Variants in TMCO5A observed in about 807,000 individuals in gnomAD.
TMCO5A encodes the protein transmembrane and coiled-coil domain-containing protein 5A.
A neutral mutation model predicts 42.3 loss-of-function variants in TMCO5A; 34 were observed. That is an observed-to-expected ratio of 0.80 (90% CI 0.61 to 1.07). The LOEUF is 1.07. TMCO5A is among the 50% of genes least tolerant of loss of function. The pLI, the probability that TMCO5A is intolerant of heterozygous loss-of-function variation, is 0.00. For missense variants in TMCO5A, 357 were observed against 327.9 expected (o/e 1.09, Z -0.69); for synonymous variants, 131 against 115.6 (o/e 1.13, Z -0.86).
chr15:38,033,877 G>T, the TMCO5A span, among the ~76,000 whole-genome samples: 1 of 152,124 alleles, frequency 6.6e-6, no homozygotes, highest in Non-Finnish European at 1.5e-5. Context: ...GCCTTCCAAA[G>T]TGCTGGGATT....
At chr15:37,959,506 T>C (rs1890369344) in intron 11 of TMCO5A, among the ~76,000 whole-genome samples, 1 of 151,936 alleles carries the variant, frequency 6.6e-6, no homozygotes, top group Non-Finnish European at 1.5e-5. Flanking sequence ...TCATATATCA[T>C]GACCTGGGAT....
the TMCO5A span, among the ~76,000 whole-genome samples, chr15:38,026,729 G>T: frequency 6.6e-6 from 1 of 152,218 alleles, no homozygotes; most frequent in Non-Finnish European, 1.5e-5. Flanking sequence ...GAGAGAAAAT[G>T]GTTTCATGGG....
the TMCO5A span, among the ~76,000 whole-genome samples, chr15:37,978,839 C>T: frequency 1.2e-4 from 18 of 152,114 alleles, no homozygotes; most frequent in South Asian, 3.3e-3. Flanking sequence ...GGAAGCATGG[C>T]GGCATCTGCT....
At chr15:37,960,564 T>C (rs1262319623) in intron 11 of TMCO5A, among the ~76,000 whole-genome samples, 2 of 152,138 alleles carry the variant, frequency 1.3e-5, no homozygotes, top group African/African-American at 4.8e-5. Context: ...AATTGCTGGA[T>C]CAAATGGTAG....
the TMCO5A span, among the ~76,000 whole-genome samples, chr15:37,998,325 A>T: frequency 6.6e-6 from 1 of 152,160 alleles, no homozygotes; most frequent in African/African-American, 2.4e-5. Flanking sequence ...GTAGTTTCAT[A>T]GTTTGAGGTT....
At chr15:37,959,610 GA>G (rs1890372307) in intron 11 of TMCO5A, among the ~76,000 whole-genome samples, 1 of 152,022 alleles carries the variant, frequency 6.6e-6, no homozygotes, top group Non-Finnish European at 1.5e-5. Flanking sequence ...AATTGATGCT[GA>G]AAAAGCAATT....
intron 11 of TMCO5A, among the ~76,000 whole-genome samples, chr15:37,964,372 A>G (rs1890506800): frequency 6.6e-6 from 1 of 152,154 alleles, no homozygotes; most frequent in Admixed American, 6.6e-5. Flanking sequence ...TCTTTCAGCC[A>G]TGGATACCAA....
the TMCO5A span, among the ~76,000 whole-genome samples, chr15:38,037,342 T>G: frequency 1.6e-4 from 24 of 152,360 alleles, no homozygotes; most frequent in Non-Finnish European, 2.8e-4. Context: ...CTATAGAATA[T>G]TGTACAATTG....
chr15:37,940,698 C>T (rs558174008), intron 6 of TMCO5A, among the ~76,000 whole-genome samples: 5 of 152,200 alleles, frequency 3.3e-5, no homozygotes, highest in African/African-American at 1.2e-4. Flanking sequence ...CTGATACACA[C>T]ATGCTTCACT....
In TMCO5A at chr15:37,941,697, C is replaced by T. The variant is rs2140266715; in HGVS notation, c.471C>T (p.Thr157=). ...LKVMKEYAFV[T]QLCEDQALYI... ...TAATGAAGGAGTATGCATTTGTGAC[C>T]CAGCTCTGTGAAGATCAAGCCCTCT... Residue 157 remains threonine, a synonymous_variant, in exon 8 of 12, where the codon ACC becomes ACT. Coordinates refer to ENST00000319669, the MANE Select transcript of TMCO5A (RefSeq NM_152453.4). 1 of 1,611,684 alleles carries T rather than the reference C, an allele frequency of 6.2e-7. No individual in the cohort carries two copies. Among genetic ancestry groups the T allele is most frequent in the East Asian group, 2.2e-5 (1 of 44,792 alleles).
At chr15:38,003,595 T>C in the TMCO5A span, among the ~76,000 whole-genome samples, 2 of 152,050 alleles carry the variant, frequency 1.3e-5, no homozygotes, top group African/African-American at 4.8e-5. Flanking sequence ...ACTGCTGGGC[T>C]GGCACCCAAG....
the TMCO5A span, among the ~76,000 whole-genome samples, chr15:37,978,272 C>T: frequency 2.6e-5 from 4 of 152,178 alleles, no homozygotes; most frequent in Admixed American, 2.0e-4. Context: ...AAATAAAGCC[C>T]TCAGACTCTT....
At chr15:37,948,058 A>G (rs1890025992) in intron 11 of TMCO5A, among the ~76,000 whole-genome samples, 1 of 152,134 alleles carries the variant, frequency 6.6e-6, no homozygotes, top group Admixed American at 6.6e-5. Flanking sequence ...CCATTGGTAG[A>G]TTAGAATGAA....
chr15:38,007,037 TATTA>T, the TMCO5A span, among the ~76,000 whole-genome samples: 1 of 152,184 alleles, frequency 6.6e-6, no homozygotes, highest in East Asian at 1.9e-4. Flanking sequence ...TTAAATTTCA[TATTA>T]ATTTTCATAT....
chr15:37,942,106 C>G, intron 8 of TMCO5A, 85 bp from the exon 9 acceptor site: 1 of 1,236,326 alleles, frequency 8.1e-7, no homozygotes, highest in Non-Finnish European at 1.2e-6. Context: ...TTCATGGTAT[C>G]ATGTAATAAC....
chr15:38,027,706 C>A, the TMCO5A span, among the ~76,000 whole-genome samples: 3 of 152,136 alleles, frequency 2.0e-5, no homozygotes, highest in African/African-American at 7.2e-5. Context: ...TTTTAATAAT[C>A]CCCATGGTCA....
chr15:37,936,541 TG>T, intron 3 of TMCO5A, 78 bp downstream of exon 3: 3 of 1,521,930 alleles, frequency 2.0e-6, no homozygotes, highest in South Asian at 2.6e-5. Context: ...TGAATTTTCC[TG>T]CTTGTTCTAG....
At chr15:38,017,759 A>T in the TMCO5A span, among the ~76,000 whole-genome samples, 8 of 152,164 alleles carry the variant, frequency 5.3e-5, no homozygotes, top group Non-Finnish European at 1.2e-4. Context: ...AGGCCTGCAG[A>T]TATGATTTGT....
At chr15:38,032,950 C>T in the TMCO5A span, among the ~76,000 whole-genome samples, 5,116 of 129,474 alleles carry the variant, frequency 0.04, 347 homozygotes, top group African/African-American at 0.14. Flanking sequence ...TTTTTTGAGA[C>T]GGAGTCTCGC....
Sources: gnomAD v4.1 joint callset for allele counts (sites outside exome capture counted in the v4.1 genomes callset) on GRCh38, gnomAD v4.1.1 for gene constraint, MANE v1.5 for transcripts, NCBI Gene and HGNC (gene_info 2026-07-23, HGNC 2026-07-21) for gene names.